CHST9: variants seen among roughly 807,000 people sequenced by gnomAD.
The protein encoded by CHST9 is GalNAc-4-sulfotransferase 2.
In CHST9, 41 loss-of-function variants were observed where a neutral mutation model predicts 44.4. That is an observed-to-expected ratio of 0.92 (90% CI 0.72 to 1.20). The LOEUF is 1.20. Ranked by LOEUF, CHST9 falls within the 50% of genes most tolerant of loss-of-function variation. The probability of loss-of-function intolerance (pLI) is 0.00; values close to 1 mark genes in which losing one functional copy is unlikely to be tolerated. For missense variants in CHST9, 504 were observed against 516.5 expected (o/e 0.98, Z 0.23); for synonymous variants, 171 against 178.4 (o/e 0.96, Z 0.33).
chr18:27,112,264 T>C (rs2058277812), intron 2 of CHST9, among the ~76,000 whole-genome samples: 1 of 151,052 alleles, frequency 6.6e-6, no homozygotes, highest in Non-Finnish European at 1.5e-5. Flanking sequence ...AGGATGTGTA[T>C]GTGTGTGTGT....
intron 4 of CHST9, among the ~76,000 whole-genome samples, chr18:26,956,585 C>A (rs2056329243): frequency 6.6e-6 from 1 of 151,544 alleles, no homozygotes; most frequent in South Asian, 2.1e-4. Context: ...TTATGGATAG[C>A]CTTAGCCTGG....
At chr18:27,113,099 G>A (rs1005881414) in intron 2 of CHST9, among the ~76,000 whole-genome samples, 2 of 151,546 alleles carry the variant, frequency 1.3e-5, no homozygotes, top group Admixed American at 1.3e-4. Context: ...TGAGGCAGGA[G>A]AATGGCATGA....
intron 1 of CHST9, among the ~76,000 whole-genome samples, chr18:27,180,869 C>T (rs1598784952): frequency 6.6e-6 from 1 of 152,042 alleles, no homozygotes; most frequent in African/African-American, 2.4e-5. Flanking sequence ...AAAATTTATC[C>T]TGTGGGTCTC....
intron 3 of CHST9, among the ~76,000 whole-genome samples, chr18:27,041,025 G>A (rs1011783127): frequency 6.6e-6 from 1 of 152,188 alleles, no homozygotes; most frequent in South Asian, 2.1e-4. Flanking sequence ...TGTCACATAA[G>A]AGTGTAGTTA....
intron 1 of CHST9, among the ~76,000 whole-genome samples, chr18:27,158,936 G>A (rs1435907723): frequency 5.9e-5 from 9 of 152,170 alleles, no homozygotes; most frequent in African/African-American, 9.7e-5. Context: ...CATATCCTTC[G>A]CCCACTTTTT....
chr18:26,930,788 C>T (rs1442373156), intron 5 of CHST9: 2 of 153,878 alleles, frequency 1.3e-5, no homozygotes, highest in African/African-American at 4.8e-5. Context: ...ATGGGAGGAT[C>T]GCAGAGGGGC....
At chr18:27,039,373 G>T (rs1468343134) in intron 3 of CHST9, among the ~76,000 whole-genome samples, 3 of 152,150 alleles carry the variant, frequency 2.0e-5, no homozygotes, top group Non-Finnish European at 2.9e-5. Context: ...CAACATGGAT[G>T]AAATTTGATG....
At chr18:27,133,339 G>C (rs1232573076) in intron 2 of CHST9, among the ~76,000 whole-genome samples, 1 of 152,190 alleles carries the variant, frequency 6.6e-6, no homozygotes, top group Non-Finnish European at 1.5e-5. Context: ...ATGTTATTCA[G>C]GTTCAGAAGA....
Position 27,158,379 on chromosome 18 carries a change from T to A in CHST9, c.-96-15474A>T, listed in dbSNP as rs561646490. ...GTTTGGTTTTTTGTCCTTGTGATAG[T>A]TTGCTGAGAATGATGGTTTTCAGCT... On this transcript the variant is annotated intron_variant, in intron 1 of 5. Coordinates refer to ENST00000618847, the MANE Select transcript of CHST9 (RefSeq NM_031422.6). Among the ~76,000 whole-genome samples the A allele has an allele frequency of 1.4e-4, 21 of 152,086 alleles. No homozygotes were observed. In the South Asian group the frequency reaches 4.0e-3, roughly 29 times the overall value.
intron 2 of CHST9, among the ~76,000 whole-genome samples, chr18:27,070,841 A>C (rs2057831347): frequency 1.3e-5 from 2 of 152,148 alleles, no homozygotes; most frequent in Admixed American, 1.3e-4. Context: ...GCAGAAGCTA[A>C]ATTTTCCAAG....
intron 5 of CHST9, among the ~76,000 whole-genome samples, chr18:26,922,379 G>A (rs1007371733): frequency 1.3e-5 from 2 of 152,168 alleles, no homozygotes; most frequent in Admixed American, 6.5e-5. Flanking sequence ...TGTGAGGAAA[G>A]TAATTTTATT....
intron 5 of CHST9, among the ~76,000 whole-genome samples, chr18:26,938,957 C>T (rs1413321794): frequency 1.3e-5 from 2 of 152,114 alleles, no homozygotes; most frequent in East Asian, 1.9e-4. Context: ...AATTTAGCAG[C>T]CCCTCTAGCT....
chr18:27,012,186 G>T (rs886575303), intron 4 of CHST9, among the ~76,000 whole-genome samples: 2 of 152,082 alleles, frequency 1.3e-5, no homozygotes, highest in Non-Finnish European at 2.9e-5. Flanking sequence ...ACAATACAGG[G>T]TTTAGGGGGG....
At chr18:27,079,315 T>C (rs995137455) in intron 2 of CHST9, among the ~76,000 whole-genome samples, 3 of 152,170 alleles carry the variant, frequency 2.0e-5, no homozygotes, top group African/African-American at 7.2e-5. Context: ...AATTCACAGA[T>C]TGTGATAATT....
intron 4 of CHST9, among the ~76,000 whole-genome samples, chr18:26,981,470 G>A (rs140328613): frequency 2.0e-4 from 31 of 152,276 alleles, no homozygotes; most frequent in African/African-American, 5.8e-4. Flanking sequence ...GAACAGAGCC[G>A]CATCTATCAT....
intron 2 of CHST9, among the ~76,000 whole-genome samples, chr18:27,076,398 G>A (rs61515494): frequency 0.068 from 10,297 of 152,134 alleles, 440 homozygotes; most frequent in East Asian, 0.14. Flanking sequence ...TTTTTTTCTA[G>A]GTCACTAAGT....
chr18:26,948,302 T>C (rs530375773), intron 4 of CHST9, among the ~76,000 whole-genome samples: 1 of 152,246 alleles, frequency 6.6e-6, no homozygotes, highest in East Asian at 1.9e-4. Context: ...ATGTAGATGA[T>C]GGGTTGATGG....
chr18:27,137,990 G>T (rs1216796733), intron 2 of CHST9, among the ~76,000 whole-genome samples: 2 of 152,070 alleles, frequency 1.3e-5, no homozygotes, highest in African/African-American at 4.8e-5. Context: ...TGGGTCCTCT[G>T]CACGCTTTCA....
intron 1 of CHST9, among the ~76,000 whole-genome samples, chr18:27,183,381 G>T (rs1332249423): frequency 6.6e-6 from 1 of 151,884 alleles, no homozygotes; most frequent in East Asian, 1.9e-4. Flanking sequence ...GTGAGTGGGA[G>T]AGAACAGATG....
Sources: allele counts gnomAD v4.1 joint callset (sites outside exome capture counted in the v4.1 genomes callset), GRCh38; gene constraint gnomAD v4.1.1; transcripts MANE v1.5; gene names NCBI Gene and HGNC (gene_info 2026-07-23, HGNC 2026-07-21).